Variants in SGIP1 observed in about 807,000 individuals in gnomAD.
SGIP1 encodes the protein SH3-containing GRB2-like protein 3-interacting protein 1.
In SGIP1, 38 loss-of-function variants were observed where a neutral mutation model predicts 107.5. The observed-to-expected ratio is 0.35, with a 90% CI of 0.27 to 0.46. The LOEUF is 0.46. Ranked by LOEUF, SGIP1 falls within the 20% of genes least tolerant of loss-of-function variation. SGIP1 has a pLI of 1.00. For missense variants in SGIP1, 929 were observed against 1,019.5 expected (o/e 0.91, Z 1.21); for synonymous variants, 365 against 366.1 (o/e 1.00, Z 0.03).
chr1:66,700,531 C>A (rs1056791947), intron 18 of SGIP1, among the ~76,000 whole-genome samples: 4 of 152,114 alleles, frequency 2.6e-5, no homozygotes, highest in South Asian at 2.1e-4. Context: ...CCTGATACTA[C>A]ACCTTATTTT....
chr1:66,543,431 A>G (rs917482875), intron 1 of SGIP1, among the ~76,000 whole-genome samples: 1 of 152,236 alleles, frequency 6.6e-6, no homozygotes, highest in African/African-American at 2.4e-5. Flanking sequence ...ACCAAGGCCA[A>G]ATGAAAAGAC....
chr1:66,642,708 A>G, intron 5 of SGIP1, 102 bp from the exon 6 acceptor site: 1 of 983,614 alleles, frequency 1.0e-6, no homozygotes, highest in Non-Finnish European at 1.5e-6. Context: ...CTCCTAAAAG[A>G]AAAGACTTTT....
intron 2 of SGIP1, among the ~76,000 whole-genome samples, chr1:66,630,066 T>C (rs1438982996): frequency 6.6e-6 from 1 of 152,154 alleles, no homozygotes. Context: ...CTGGAGCCGG[T>C]GCCCTTAGCC....
chr1:66,656,944 G>A (rs2079914930), intron 7 of SGIP1, among the ~76,000 whole-genome samples: 1 of 152,128 alleles, frequency 6.6e-6, no homozygotes, highest in South Asian at 2.1e-4. Context: ...ACGTTGGGAG[G>A]ATAGCTTGAG....
At chr1:66,572,042 T>C (rs536695876) in intron 1 of SGIP1, among the ~76,000 whole-genome samples, 1 of 152,178 alleles carries the variant, frequency 6.6e-6, no homozygotes, top group East Asian at 1.9e-4. Flanking sequence ...CCAATGTCTC[T>C]CTGTCTCTGT....
intron 7 of SGIP1, among the ~76,000 whole-genome samples, chr1:66,650,867 C>G (rs1341536221): frequency 6.6e-6 from 1 of 152,178 alleles, no homozygotes; most frequent in African/African-American, 2.4e-5. Context: ...CTTTTAACTA[C>G]AAGCATTTTG....
At chr1:66,569,618 A>AT (rs1466429002) in intron 1 of SGIP1, among the ~76,000 whole-genome samples, 1 of 151,690 alleles carries the variant, frequency 6.6e-6, no homozygotes, top group South Asian at 2.1e-4. Flanking sequence ...GTGGTATATA[A>AT]TTTTTTTATA....
rs1557849739 is a variant in SGIP1 at position 66,746,075 on chromosome 1, A to T, written c.*2980A>T. The stretch of plus-strand genomic sequence containing the variant: ...AGGAATCCCTCAGTCAAACTACAGA[A>T]TTTTTTTTGTTTTATATATTCTTAG... On this transcript the variant is annotated 3_prime_UTR_variant, in exon 25 of 25. Transcript: ENST00000371037. 1 of 152,048 alleles carries T rather than the reference A, an allele frequency of 6.6e-6. No individual in the cohort carries two copies. The allele number at this position is 152,048 out of a possible 1,614,324, so 9.4% of individuals were successfully genotyped here.
At chr1:66,735,211 T>C (rs987334465) in intron 21 of SGIP1, among the ~76,000 whole-genome samples, 25 of 151,940 alleles carry the variant, frequency 1.6e-4, no homozygotes, top group African/African-American at 5.8e-4. Flanking sequence ...TATTTTATTT[T>C]ATTTTATTTT....
In SGIP1 at chr1:66,729,363, G is replaced by A; in HGVS notation, c.1842G>A (p.Arg614=). 6.2e-7 allele frequency: 1 copy of A among 1,613,964 alleles called. No homozygotes were observed. The highest frequency in any genetic ancestry group is 1.1e-5 in the South Asian group (1 of 91,068). ...NNPSPAALTF[R]VINFSRLEHV... ...CGTCCCCAGCTGCTCTGACTTTTCG[G>A]GTGATAAATTTCAGCAGGTTAGAAC... The change falls in exon 20 of 25, where the codon CGG becomes CGA. Residue 614 remains arginine, a synonymous_variant. Coordinates refer to ENST00000371037, the MANE Select transcript of SGIP1 (RefSeq NM_032291.4).
In SGIP1 at chr1:66,719,198, G is replaced by T. The variant is rs111660153; in HGVS notation, c.1631-96G>T. On this transcript the variant is annotated intron_variant, in intron 18 of 24. Transcript: ENST00000371037. Reference sequence around the variant, plus strand: ...ACATTTTGTTTTACATTAAGGGGTAGATTTTATTCCTTAATCCTTTAATGG... The same window carrying T: ...ACATTTTGTTTTACATTAAGGGGTATATTTTATTCCTTAATCCTTTAATGG... 36 of 743,270 alleles carry T rather than the reference G, an allele frequency of 4.8e-5. 1 individual carries two copies. Among genetic ancestry groups the T allele is most frequent in the African/African-American group, 3.9e-4 (22 of 56,788 alleles). 46.0% of individuals were successfully genotyped at this position (743,270 alleles called of 1,614,324 possible). A position where few individuals can be genotyped will look rare whatever the true frequency, so the allele number is the denominator to read the frequency against.
intron 1 of SGIP1, among the ~76,000 whole-genome samples, chr1:66,594,722 C>T (rs115166720): frequency 0.013 from 2,053 of 152,190 alleles, 40 homozygotes; most frequent in African/African-American, 0.046. Flanking sequence ...GCAGTGGAGA[C>T]GCACACTGAG....
intron 1 of SGIP1, among the ~76,000 whole-genome samples, chr1:66,616,720 C>T (rs1205849975): frequency 6.6e-6 from 1 of 152,194 alleles, no homozygotes; most frequent in Non-Finnish European, 1.5e-5. Flanking sequence ...TTAATATTGG[C>T]ACAGCAAACA....
intron 19 of SGIP1, among the ~76,000 whole-genome samples, chr1:66,726,592 G>A (rs1164272339): frequency 6.6e-6 from 1 of 152,088 alleles, no homozygotes; most frequent in Non-Finnish European, 1.5e-5. Flanking sequence ...ACACAGATAA[G>A]GGCAATTAGA....
In SGIP1 at chr1:66,743,318, T is replaced by C. The variant is rs1018733216; in HGVS notation, c.*223T>C. On this transcript the variant is annotated 3_prime_UTR_variant, in exon 25 of 25. Coordinates refer to ENST00000371037, the MANE Select transcript of SGIP1 (RefSeq NM_032291.4). ...TAATATTGTTAATGGTTTTAAAATGTAATTATTGTATTTGTAAATTGTACT... is the reference window on the plus strand; with the variant it reads ...TAATATTGTTAATGGTTTTAAAATGCAATTATTGTATTTGTAAATTGTACT... The C allele has an allele frequency of 3.4e-5, 14 of 410,482 alleles. No homozygotes were observed. The highest frequency in any genetic ancestry group is 4.4e-5 in the Non-Finnish European group (10 of 227,628). 25.4% of individuals were successfully genotyped at this position (410,482 alleles called of 1,614,324 possible).
At chr1:66,623,135 T>C (rs1043505887) in intron 1 of SGIP1, among the ~76,000 whole-genome samples, 2 of 152,226 alleles carry the variant, frequency 1.3e-5, no homozygotes, top group African/African-American at 2.4e-5. Flanking sequence ...TTCTGAAAGA[T>C]TCATTAAGAT....
chr1:66,666,515 A>G (rs559895065), intron 8 of SGIP1: 2 of 153,128 alleles, frequency 1.3e-5, no homozygotes, highest in Non-Finnish European at 1.5e-5. Context: ...GAAGAAAGTC[A>G]TTGGTAGCTT....
chr1:66,540,327 C>T (rs1021499057), intron 1 of SGIP1, among the ~76,000 whole-genome samples: 3 of 152,174 alleles, frequency 2.0e-5, no homozygotes, highest in Non-Finnish European at 4.4e-5. Context: ...TGAAAAGAGG[C>T]ACATTGTAGC....
At chr1:66,594,222 T>C (rs1408661874) in intron 1 of SGIP1, among the ~76,000 whole-genome samples, 7 of 152,192 alleles carry the variant, frequency 4.6e-5, no homozygotes, top group Non-Finnish European at 8.8e-5. Flanking sequence ...TTCATTTTAA[T>C]GTAAAGGTGT....
Sources: allele counts gnomAD v4.1 joint callset (sites outside exome capture counted in the v4.1 genomes callset), GRCh38; gene constraint gnomAD v4.1.1; transcripts MANE v1.5; gene names NCBI Gene and HGNC (gene_info 2026-07-23, HGNC 2026-07-21).